The following ATG10 variants were observed in gnomAD, a reference collection of about 807,000 sequenced individuals.
ATG10 encodes autophagy related 10.
In ATG10, 30 loss-of-function variants were observed where a neutral mutation model predicts 32.1. That is an observed-to-expected ratio of 0.94 (90% CI 0.70 to 1.27). The LOEUF (loss-of-function observed/expected upper bound fraction) is 1.27, where lower values mean the gene tolerates loss of function less well. Ranked by LOEUF, ATG10 falls within the 50% of genes most tolerant of loss-of-function variation. The pLI, the probability that ATG10 is intolerant of heterozygous loss-of-function variation, is 0.00. For missense variants in ATG10, 233 were observed against 262.3 expected, an observed-to-expected ratio of 0.89 and a Z score of 0.77; for synonymous variants, 87 against 91.5, an observed-to-expected ratio of 0.95 and a Z score of 0.28.
At chr5:82,060,576 A>C (rs910622637) in intron 3 of ATG10, among the ~76,000 whole-genome samples, 1 of 152,192 alleles carries the variant, frequency 6.6e-6, no homozygotes, top group Non-Finnish European at 1.5e-5. Flanking sequence ...TTAAAGGTTC[A>C]TGTCGGCCGG....
At chr5:82,141,650 T>C (rs905738295) in intron 3 of ATG10, among the ~76,000 whole-genome samples, 9 of 149,960 alleles carry the variant, frequency 6.0e-5, no homozygotes, top group African/African-American at 2.2e-4. Context: ...TTACTTTAGA[T>C]AAAAAAAAAA....
At chr5:82,183,520 T>G (rs1249817874) in intron 5 of ATG10, among the ~76,000 whole-genome samples, 3 of 152,190 alleles carry the variant, frequency 2.0e-5, no homozygotes, top group African/African-American at 4.8e-5. Flanking sequence ...GAATACTTCA[T>G]GGTTGCTTCT....
At chr5:82,121,807 A>G (rs529975337) in intron 3 of ATG10, among the ~76,000 whole-genome samples, 93 of 152,284 alleles carry the variant, frequency 6.1e-4, no homozygotes, top group Non-Finnish European at 1.1e-3. Context: ...TCCCGGGGAT[A>G]AAGCCTACTT....
chr5:82,253,293 T>C (rs761384927), intron 6 of ATG10, 21 bp from the exon 7 acceptor site: 13 of 1,503,494 alleles, frequency 8.6e-6, no homozygotes, highest in Non-Finnish European at 1.2e-5. Flanking sequence ...TAGCATGGCC[T>C]GTATTTCACT....
chr5:82,225,377 T>A (rs1169787466), intron 5 of ATG10, among the ~76,000 whole-genome samples: 1 of 152,156 alleles, frequency 6.6e-6, no homozygotes, highest in Non-Finnish European at 1.5e-5. Flanking sequence ...ATCATTTAAG[T>A]CAGTAGAGAA....
chr5:82,077,192 G>A (rs1247057363), intron 3 of ATG10, among the ~76,000 whole-genome samples: 6 of 152,076 alleles, frequency 3.9e-5, no homozygotes, highest in Non-Finnish European at 7.3e-5. Flanking sequence ...GCATAGTGGC[G>A]TACGCCTGTA....
chr5:81,977,151 C>T (rs1760895690), intron 1 of ATG10, among the ~76,000 whole-genome samples: 1 of 152,200 alleles, frequency 6.6e-6, no homozygotes, highest in East Asian at 1.9e-4. Context: ...GCTAGGATTA[C>T]TTTGCCTGAC....
Position 81,993,336 on chromosome 5 carries a change from CTTCT to C in ATG10, c.108+5678_108+5681del, listed in dbSNP as rs376821435. Among the ~76,000 whole-genome samples, 10 of 77,732 alleles carry C rather than the reference CTTCT, an allele frequency of 1.3e-4. 1 individual carries two copies. The highest frequency in any genetic ancestry group is 5.1e-4 in the African/African-American group (8 of 15,666). 51.0% of individuals were successfully genotyped at this position (77,732 alleles called of 152,430 possible). On this transcript the variant is annotated intron_variant, in intron 2 of 7. Transcript: ENST00000282185. Reference sequence around the variant, plus strand: ...CTTTCTTTCTTTCTTTCCTTCCTTCCTTCTTTCTTTCTTTCTTTCTTTCCTTCTT... The same window carrying C: ...CTTTCTTTCTTTCTTTCCTTCCTTCCTTCTTTCTTTCTTTCTTTCCTTCTT...
intron 1 of ATG10, among the ~76,000 whole-genome samples, chr5:81,974,654 G>T (rs1369100641): frequency 6.6e-6 from 1 of 152,056 alleles, no homozygotes; most frequent in Non-Finnish European, 1.5e-5. Context: ...GCCCAGGCTG[G>T]AGTGCAGTGG....
intron 2 of ATG10, among the ~76,000 whole-genome samples, chr5:82,051,273 AT>A (rs1763412401): frequency 6.6e-6 from 1 of 152,174 alleles, no homozygotes; most frequent in South Asian, 2.1e-4. Flanking sequence ...GGCTGAATGC[AT>A]CCAGAAGGCT....
intron 5 of ATG10, among the ~76,000 whole-genome samples, chr5:82,209,915 C>T (rs551926867): frequency 6.6e-6 from 1 of 152,228 alleles, no homozygotes; most frequent in African/African-American, 2.4e-5. Flanking sequence ...AATTTTTTTC[C>T]TGACCAGTCT....
chr5:82,062,686 A>G (rs533870440), intron 3 of ATG10, among the ~76,000 whole-genome samples: 1 of 152,326 alleles, frequency 6.6e-6, no homozygotes, highest in East Asian at 1.9e-4. Flanking sequence ...CTTTCTTTCC[A>G]TATTCTATTC....
At chr5:82,105,460 G>A (rs1337487430) in intron 3 of ATG10, among the ~76,000 whole-genome samples, 1 of 152,108 alleles carries the variant, frequency 6.6e-6, no homozygotes, top group Middle Eastern at 3.2e-3. Flanking sequence ...CTTTTGGGAT[G>A]TAAGAATTTC....
At chr5:82,144,912 C>T (rs1767287638) in intron 3 of ATG10, among the ~76,000 whole-genome samples, 1 of 151,868 alleles carries the variant, frequency 6.6e-6, no homozygotes, top group African/African-American at 2.4e-5. Flanking sequence ...TGATTGTGGA[C>T]TTGTCTATTT....
chr5:82,035,122 G>A (rs938708688), intron 2 of ATG10, among the ~76,000 whole-genome samples: 10 of 152,080 alleles, frequency 6.6e-5, no homozygotes, highest in African/African-American at 2.4e-4. Context: ...ATGTTGGCCA[G>A]GGTGGTCTCA....
intron 2 of ATG10, among the ~76,000 whole-genome samples, chr5:82,048,984 G>T (rs1367519641): frequency 1.3e-5 from 2 of 150,592 alleles, no homozygotes; most frequent in Non-Finnish European, 3.0e-5. Flanking sequence ...GTGGAAGTCA[G>T]TGTGGCGATT....
intron 2 of ATG10, among the ~76,000 whole-genome samples, chr5:82,058,209 G>A (rs1467876503): frequency 6.6e-6 from 1 of 152,090 alleles, no homozygotes; most frequent in Non-Finnish European, 1.5e-5. Flanking sequence ...CTTAAGTTTT[G>A]TTCTGTGATC....
intron 3 of ATG10, among the ~76,000 whole-genome samples, chr5:82,138,341 C>T (rs763631635): frequency 2.6e-5 from 4 of 152,322 alleles, no homozygotes; most frequent in Middle Eastern, 3.4e-3. Context: ...GCTTCAAACC[C>T]AGGGCCCTGG....
intron 2 of ATG10, among the ~76,000 whole-genome samples, chr5:82,029,801 A>AT (rs757933770): frequency 1.3e-5 from 2 of 152,144 alleles, no homozygotes; most frequent in Admixed American, 6.5e-5. Context: ...CTTGGAACCT[A>AT]TTTTTTGTGA....
Sources: gnomAD v4.1 joint callset for allele counts (sites outside exome capture counted in the v4.1 genomes callset) on GRCh38, gnomAD v4.1.1 for gene constraint, MANE v1.5 for transcripts, NCBI Gene and HGNC (gene_info 2026-07-23, HGNC 2026-07-21) for gene names.